The following PTPRQ variants were observed in gnomAD, a reference collection of about 807,000 sequenced individuals.
The protein encoded by PTPRQ is protein tyrosine phosphatase receptor type Q, also known as phosphatidylinositol phosphatase PTPRQ.
PTPRQ carries 199 observed loss-of-function variants against 246.0 expected under a neutral mutation model. The observed-to-expected ratio is 0.81, with a 90% CI of 0.72 to 0.91. The LOEUF is 0.91. Among genes scored for constraint, PTPRQ ranks in the 40% least tolerant of loss-of-function variants. The pLI is 0.00. For synonymous variants in PTPRQ, 869 were observed against 853.2 expected (o/e 1.02, Z -0.32); for missense variants, 2,624 against 2,528.4 (o/e 1.04, Z -0.81).
intron 38 of PTPRQ, among the ~76,000 whole-genome samples, chr12:80,655,245 C>T (rs992516490): frequency 6.6e-6 from 1 of 152,130 alleles, no homozygotes; most frequent in East Asian, 1.9e-4. Context: ...TCTGTTTACC[C>T]ACTAACTACA....
intron 26 of PTPRQ, among the ~76,000 whole-genome samples, chr12:80,599,841 A>G (rs1256254678): frequency 6.6e-6 from 1 of 150,800 alleles, no homozygotes; most frequent in African/African-American, 2.4e-5. Context: ...CAGGTGAAAC[A>G]CATATTGTTA....
chr12:80,449,570 A>T (rs1892676316), intron 3 of PTPRQ, among the ~76,000 whole-genome samples: 1 of 151,898 alleles, frequency 6.6e-6, no homozygotes, highest in Admixed American at 6.6e-5. Flanking sequence ...TAAGGAAGGG[A>T]TCCAGTTTCA....
At chr12:80,635,482 TA>T (rs900197110) in intron 35 of PTPRQ, among the ~76,000 whole-genome samples, 5 of 152,264 alleles carry the variant, frequency 3.3e-5, no homozygotes, top group African/African-American at 7.2e-5. Flanking sequence ...TCCATTTTTA[TA>T]AAAGCTTTTT....
At chr12:80,449,680 A>T (rs986909344) in intron 3 of PTPRQ, among the ~76,000 whole-genome samples, 10 of 151,952 alleles carry the variant, frequency 6.6e-5, no homozygotes, top group Non-Finnish European at 1.3e-4. Flanking sequence ...AAGATCAGAT[A>T]GTTGTAGATA....
chr12:80,461,045 T>G (rs1893147499), intron 6 of PTPRQ, 143 bp downstream of exon 6: 4 of 386,662 alleles, frequency 1.0e-5, no homozygotes, highest in Non-Finnish European at 1.8e-5. Flanking sequence ...CATCAAGGGT[T>G]TCTTCGAATT....
chr12:80,626,979 T>C (rs1341979850), intron 33 of PTPRQ, among the ~76,000 whole-genome samples: 2 of 152,148 alleles, frequency 1.3e-5, no homozygotes, highest in African/African-American at 4.8e-5. Context: ...CTTTATTAGC[T>C]ACCTTTAAAT....
chr12:80,652,099 A>G (rs929585283), intron 37 of PTPRQ, among the ~76,000 whole-genome samples: 2 of 152,140 alleles, frequency 1.3e-5, no homozygotes, highest in African/African-American at 2.4e-5. Context: ...AAAATAATGA[A>G]CATATTTTCT....
intron 17 of PTPRQ, among the ~76,000 whole-genome samples, chr12:80,521,150 A>G (rs1478688067): frequency 6.6e-6 from 1 of 152,098 alleles, no homozygotes; most frequent in African/African-American, 2.4e-5. Flanking sequence ...TTGGCTGCAT[A>G]AATGTCTTCT....
chr12:80,665,348 G>A (rs960621484), intron 39 of PTPRQ, among the ~76,000 whole-genome samples: 5 of 151,916 alleles, frequency 3.3e-5, no homozygotes, highest in South Asian at 2.1e-4. Flanking sequence ...ATTGACCATC[G>A]CAGTGATGTC....
intron 42 of PTPRQ, among the ~76,000 whole-genome samples, chr12:80,671,474 G>C (rs1395180563): frequency 6.6e-6 from 1 of 152,064 alleles, no homozygotes; most frequent in Admixed American, 6.6e-5. Context: ...TAAAAGAAAA[G>C]TACTTTCTCC....
intron 35 of PTPRQ, among the ~76,000 whole-genome samples, chr12:80,644,180 C>T (rs1380033124): frequency 6.6e-6 from 1 of 152,136 alleles, no homozygotes; most frequent in Non-Finnish European, 1.5e-5. Context: ...CTTTCTAGAT[C>T]CATCAAGAGT....
intron 26 of PTPRQ, among the ~76,000 whole-genome samples, chr12:80,601,931 GTA>G (rs1898158942): frequency 6.6e-6 from 1 of 151,756 alleles, no homozygotes; most frequent in South Asian, 2.1e-4. Flanking sequence ...TTTATGCAGG[GTA>G]TGTGTATGAT....
chr12:80,608,775 A>C (rs959957929), intron 27 of PTPRQ, among the ~76,000 whole-genome samples: 8 of 150,420 alleles, frequency 5.3e-5, no homozygotes, highest in African/African-American at 1.9e-4. Context: ...ATGAACCAGT[A>C]GTCAAAGTGA....
intron 25 of PTPRQ, among the ~76,000 whole-genome samples, chr12:80,580,785 C>G (rs1260308997): frequency 2.0e-5 from 3 of 152,142 alleles, no homozygotes; most frequent in Non-Finnish European, 2.9e-5. Context: ...TTTCCACAGT[C>G]AACAAACACT....
intron 3 of PTPRQ, among the ~76,000 whole-genome samples, chr12:80,448,601 A>C: frequency 1.4e-5 from 2 of 147,480 alleles, no homozygotes; most frequent in Non-Finnish European, 1.5e-5. Context: ...TTCAATTCCC[A>C]CCTATGAGTG....
chr12:80,472,318 T>A, intron 8 of PTPRQ, 67 bp downstream of exon 8: 1 of 1,523,070 alleles, frequency 6.6e-7, no homozygotes, highest in Non-Finnish European at 8.8e-7. Flanking sequence ...TGGTAAAACA[T>A]GATATTAGAA....
rs376125974 is a variant in PTPRQ, at chr12:80,667,252, G to C, written c.6193-1755G>C. Among the ~76,000 whole-genome samples the C allele has an allele frequency of 4.0e-5, 6 of 151,886 alleles. 1 individual carries two copies. Among genetic ancestry groups the C allele is most frequent in the African/African-American group, 1.4e-4 (6 of 41,454 alleles). The stretch of plus-strand genomic sequence containing the variant: ...CCACAATTCTTTTCCCCCGAATCCT[G>C]CAGGCCTCACTTCTTTCCTTCTTCA... On this transcript the variant is annotated intron_variant, in intron 39 of 44. Transcript: ENST00000644991.
At chr12:80,528,666 G>A (rs999280573) in intron 17 of PTPRQ, among the ~76,000 whole-genome samples, 2 of 152,044 alleles carry the variant, frequency 1.3e-5, no homozygotes, top group African/African-American at 2.4e-5. Flanking sequence ...TTAAAGTTGA[G>A]GTGACTATCT....
intron 26 of PTPRQ, among the ~76,000 whole-genome samples, chr12:80,599,338 A>G (rs563226548): frequency 6.6e-6 from 1 of 152,080 alleles, no homozygotes; most frequent in South Asian, 2.1e-4. Context: ...GCTGTGATTT[A>G]TAAGAGAAAG....
Sources: allele counts gnomAD v4.1 joint callset (sites outside exome capture counted in the v4.1 genomes callset), GRCh38; gene constraint gnomAD v4.1.1; transcripts MANE v1.5; gene names NCBI Gene and HGNC (gene_info 2026-07-23, HGNC 2026-07-21).